MMS22L: variants seen among roughly 807,000 people sequenced by gnomAD.
MMS22L encodes the protein protein MMS22-like.
Under a neutral mutation model 159.1 loss-of-function variants are expected in MMS22L, and 74 were observed. That is an observed-to-expected ratio of 0.47 (90% CI 0.39 to 0.56). The LOEUF (loss-of-function observed/expected upper bound fraction) is 0.56. MMS22L is among the 20% of genes least tolerant of loss of function. The probability of loss-of-function intolerance (pLI) is 0.00; values close to 1 mark genes in which losing one functional copy is unlikely to be tolerated. For synonymous variants in MMS22L, 517 were observed against 506.9 expected (o/e 1.02, Z -0.27); for missense variants, 1,351 against 1,422.1 (o/e 0.95, Z 0.80).
chr6:97,245,649 A>G (rs1473089250), intron 11 of MMS22L, among the ~76,000 whole-genome samples: 1 of 152,170 alleles, frequency 6.6e-6, no homozygotes, highest in African/African-American at 2.4e-5. Context: ...AGATTATAAA[A>G]AGATAATAGA....
At chr6:97,283,658 T>G (rs1252482811), upstream of MMS22L, 6 of 152,170 alleles carry the variant, frequency 3.9e-5, no homozygotes, top group Non-Finnish European at 2.9e-5. Context: ...AGACAGAAAA[T>G]TAGTATGGAT....
chr6:97,217,254 TA>T (rs1489019942), intron 14 of MMS22L, among the ~76,000 whole-genome samples: 1 of 152,180 alleles, frequency 6.6e-6, no homozygotes, highest in East Asian at 1.9e-4. Flanking sequence ...ATTATTTATT[TA>T]TTTTTTTGAG....
chr6:97,268,622 C>T (rs1223167727), intron 7 of MMS22L, among the ~76,000 whole-genome samples: 1 of 151,992 alleles, frequency 6.6e-6, no homozygotes, highest in African/African-American at 2.4e-5. Flanking sequence ...ATCCACATTT[C>T]TAACCAACAA....
chr6:97,148,685 TAAAA>T (rs1345135647), intron 24 of MMS22L, among the ~76,000 whole-genome samples: 7 of 151,944 alleles, frequency 4.6e-5, no homozygotes. Flanking sequence ...GTAAAAAAGT[TAAAA>T]AAAGAAAAAG....
rs1240541636 is a variant in MMS22L, at chr6:97,254,601, C to T, written c.1075G>A (p.Ala359Thr). 6.2e-7 allele frequency: 1 copy of T among 1,613,548 alleles called. No individual in the cohort carries two copies. The highest frequency in any genetic ancestry group is 2.2e-5 in the East Asian group (1 of 44,794). Residue 359 changes from alanine to threonine, a missense_variant, in exon 10 of 25, where the codon GCA (alanine) becomes ACA (threonine). Ala to Thr is a moderately conservative substitution (Grantham distance 58, BLOSUM62 0). Transcript: ENST00000683635. ...TGGCGATCAAACTTGTAAAATGATG[C>T]TACATGAGTAATAATCCACCAACTA... Reference protein sequence around the residue: ...GFSWWIITHVASFYKFDRHGV... With the variant: ...GFSWWIITHVTSFYKFDRHGV...
chr6:97,186,518 G>T lies in MMS22L; in HGVS notation c.2212C>A (p.Gln738Lys), dbSNP rs141423532. 3.7e-6 allele frequency: 6 copies of T among 1,612,460 alleles called. No homozygotes were observed. In the African/African-American group the frequency reaches 8.0e-5, roughly 22 times the overall value. ...TGACCTGCAGCTGCATCCGCAAGTT[G>T]TGAGAAAGGCACTACCTGTGACATT... ...QRMSQVVPFS[Q>K]LADAAADFTL... is the part of the protein sequence containing the mutation. Residue 738 changes from glutamine (Q) to lysine (K), a missense_variant, in exon 15 of 25, where the codon CAA becomes AAA. By Grantham distance (53) the Gln-to-Lys change is moderately conservative. Coordinates refer to ENST00000683635, the MANE Select transcript of MMS22L (RefSeq NM_001350599.2).
chr6:97,206,214 C>T (rs1432107176), intron 14 of MMS22L, among the ~76,000 whole-genome samples: 4 of 151,776 alleles, frequency 2.6e-5, no homozygotes, highest in African/African-American at 9.7e-5. Flanking sequence ...ACTGCAGAGG[C>T]ATAAATTAAA....
intron 15 of MMS22L, 49 bp from the exon 16 acceptor site, chr6:97,182,103 T>C: frequency 1.3e-6 from 2 of 1,534,510 alleles, no homozygotes; most frequent in Non-Finnish European, 1.8e-6. Context: ...TTAAAAACCA[T>C]TTCTGACCCA....
Position 97,146,712 on chromosome 6 carries a change from G to T in MMS22L, c.*94C>A. 2 of 827,174 alleles carry T rather than the reference G, an allele frequency of 2.4e-6. No homozygotes were observed. The highest frequency in any genetic ancestry group is 1.9e-5 in the South Asian group (1 of 52,072). 51.2% of individuals were successfully genotyped at this position (827,174 alleles called of 1,614,324 possible). A position where few individuals can be genotyped will look rare whatever the true frequency, so the allele number is the denominator to read the frequency against. On this transcript the variant is annotated 3_prime_UTR_variant, in exon 25 of 25. Transcript: ENST00000683635. ...AAAATCCTAGAAATTATTTTAAACA[G>T]AACATTATACAATTAATTAAAAGTA...
intron 14 of MMS22L, among the ~76,000 whole-genome samples, chr6:97,192,330 C>T (rs557826764): frequency 1.3e-5 from 2 of 152,176 alleles, no homozygotes; most frequent in South Asian, 4.1e-4. Flanking sequence ...AATAAGGGCT[C>T]CTTGAGATGC....
At chr6:97,219,392 C>T (rs1809383765) in intron 14 of MMS22L, among the ~76,000 whole-genome samples, 1 of 152,140 alleles carries the variant, frequency 6.6e-6, no homozygotes, top group Admixed American at 6.5e-5. Context: ...AGTGCTATCC[C>T]TTGGCAAGTC....
At chr6:97,270,696 A>T (rs2128089987) in intron 6 of MMS22L, 2 of 153,362 alleles carry the variant, frequency 1.3e-5, no homozygotes, top group Middle Eastern at 6.8e-3. Flanking sequence ...ACAAAATAAA[A>T]TGCTACACTG....
chr6:97,275,590 T>C (rs191858293), intron 4 of MMS22L, among the ~76,000 whole-genome samples: 53 of 152,022 alleles, frequency 3.5e-4, no homozygotes, highest in African/African-American at 1.3e-3. Context: ...ATATTCAAGA[T>C]GGATGAAAAC....
intron 3 of MMS22L, among the ~76,000 whole-genome samples, chr6:97,279,442 CCACTGCA>C (rs1309820410): frequency 6.6e-6 from 1 of 151,712 alleles, no homozygotes; most frequent in Non-Finnish European, 1.5e-5. Context: ...AGAGATCGCA[CCACTGCA>C]CTCCAGCCTG....
chr6:97,190,789 C>T (rs1387635364), intron 14 of MMS22L, among the ~76,000 whole-genome samples: 1 of 152,168 alleles, frequency 6.6e-6, no homozygotes, highest in African/African-American at 2.4e-5. Flanking sequence ...AGTAACCTCC[C>T]AACTCGCTGT....
At chr6:97,169,989 T>G (rs1233915644) in intron 19 of MMS22L, among the ~76,000 whole-genome samples, 1 of 152,122 alleles carries the variant, frequency 6.6e-6, no homozygotes, top group East Asian at 1.9e-4. Flanking sequence ...GGGAAGGCAG[T>G]CAGAGAGAGA....
chr6:97,162,450 CCTAA>C (rs1802546384), intron 21 of MMS22L, among the ~76,000 whole-genome samples: 1 of 151,906 alleles, frequency 6.6e-6, no homozygotes, highest in African/African-American at 2.4e-5. Context: ...CAAATGAAAG[CCTAA>C]CTGTTAATTT....
At chr6:97,171,021 A>G (rs762228627) in intron 19 of MMS22L, among the ~76,000 whole-genome samples, 13 of 151,930 alleles carry the variant, frequency 8.6e-5, no homozygotes, top group Non-Finnish European at 1.6e-4. Flanking sequence ...CAACAACAAC[A>G]AAGAAAAACA....
intron 22 of MMS22L, 121 bp downstream of exon 22, chr6:97,161,881 C>T (rs1011615728): frequency 1.9e-5 from 17 of 899,458 alleles, no homozygotes; most frequent in Non-Finnish European, 2.5e-5. Context: ...TAACCATGAC[C>T]CATATCAAGA....
Sources: gnomAD v4.1 joint callset for allele counts (sites outside exome capture counted in the v4.1 genomes callset) on GRCh38, gnomAD v4.1.1 for gene constraint, MANE v1.5 for transcripts, NCBI Gene and HGNC (gene_info 2026-07-23, HGNC 2026-07-21) for gene names.